OPCML: variants seen among roughly 807,000 people sequenced by gnomAD.
OPCML encodes the protein opioid-binding protein/cell adhesion molecule.
A neutral mutation model predicts 37.8 loss-of-function variants in OPCML; 13 were observed. The observed-to-expected ratio is 0.34, with a 90% CI of 0.22 to 0.55. OPCML has a LOEUF of 0.55. OPCML is among the 20% of genes least tolerant of loss of function. OPCML has a pLI of 0.91. For missense variants in OPCML, 341 were observed against 435.6 expected (o/e 0.78, Z 1.93); for synonymous variants, 176 against 168.8 (o/e 1.04, Z -0.33).
chr11:132,833,105 A>G (rs1258916172), intron 2 of OPCML, among the ~76,000 whole-genome samples: 21 of 151,886 alleles, frequency 1.4e-4, no homozygotes, highest in Admixed American at 1.4e-3. Context: ...TCTTTCTTCA[A>G]TAATAAACTA....
At chr11:132,732,506 C>G in intron 2 of OPCML, among the ~76,000 whole-genome samples, 1 of 152,062 alleles carries the variant, frequency 6.6e-6, no homozygotes, top group African/African-American at 2.4e-5. Flanking sequence ...AGAGAGTGGT[C>G]TTCACTGGAG....
At chr11:133,203,225 T>A (rs547763310) in intron 1 of OPCML, among the ~76,000 whole-genome samples, 2 of 152,318 alleles carry the variant, frequency 1.3e-5, no homozygotes, top group South Asian at 4.2e-4. Flanking sequence ...AGTTACTCAA[T>A]CTCTTTGGGA....
intron 3 of OPCML, among the ~76,000 whole-genome samples, chr11:132,619,972 T>C (rs1288555085): frequency 6.6e-6 from 1 of 152,180 alleles, no homozygotes; most frequent in Admixed American, 6.5e-5. Context: ...CTATTTAGCA[T>C]GTCACCTTAA....
chr11:133,466,436 G>A (rs899309865), intron 1 of OPCML, among the ~76,000 whole-genome samples: 8 of 152,190 alleles, frequency 5.3e-5, no homozygotes, highest in Non-Finnish European at 7.3e-5. Flanking sequence ...AACCGGAACC[G>A]TGACCTTAGC....
chr11:133,458,529 G>C (rs1158353970), intron 1 of OPCML, among the ~76,000 whole-genome samples: 1 of 104,790 alleles, frequency 9.5e-6, no homozygotes, highest in East Asian at 2.7e-4. Flanking sequence ...TACACTGTGT[G>C]TGTATACACA....
chr11:133,515,551 C>T (rs1406582618), intron 1 of OPCML, among the ~76,000 whole-genome samples: 3 of 152,152 alleles, frequency 2.0e-5, no homozygotes, highest in Non-Finnish European at 4.4e-5. Context: ...GAAGCTAATA[C>T]AAAACCATAA....
At chr11:132,818,791 G>C (rs1473408920) in intron 2 of OPCML, among the ~76,000 whole-genome samples, 3 of 149,372 alleles carry the variant, frequency 2.0e-5, no homozygotes, top group Non-Finnish European at 4.4e-5. Flanking sequence ...TATGGGGGAG[G>C]GGGGAGGCAT....
At chr11:132,996,131 CTTTAGCATAT>C (rs529595495) in intron 1 of OPCML, among the ~76,000 whole-genome samples, 3 of 152,254 alleles carry the variant, frequency 2.0e-5, no homozygotes, top group Admixed American at 2.0e-4. Flanking sequence ...TCTACACAGA[CTTTAGCATAT>C]TTTTCACCAA....
At chr11:133,517,010 C>A (rs1948293200) in intron 1 of OPCML, among the ~76,000 whole-genome samples, 1 of 152,172 alleles carries the variant, frequency 6.6e-6, no homozygotes, top group African/African-American at 2.4e-5. Flanking sequence ...GACACATCCC[C>A]ACGCGAAGTC....
chr11:133,201,264 G>A lies in OPCML; in HGVS notation c.62-258254C>T, dbSNP rs79898289. Among the ~76,000 whole-genome samples, 119 of 149,762 alleles carry A rather than the reference G, an allele frequency of 7.9e-4. 1 individual carries two copies. The East Asian group carries it at 0.021, about 27-fold the overall frequency. ...TTAGCCACGTAACAAACCTGCACAC[G>A]TACTCCTGGAAATTAAAAGTTGGAA... is the stretch of plus-strand genomic sequence containing the variant. On this transcript the variant is annotated intron_variant, in intron 1 of 7. Coordinates refer to ENST00000524381, the MANE Select transcript of OPCML (RefSeq NM_001012393.5).
intron 1 of OPCML, among the ~76,000 whole-genome samples, chr11:133,285,894 C>G (rs898256392): frequency 3.9e-5 from 6 of 152,158 alleles, no homozygotes; most frequent in Admixed American, 2.6e-4. Context: ...ATGGTCCTGC[C>G]TGGTAGGAGT....
At chr11:132,697,864 C>G (rs967926517) in intron 2 of OPCML, among the ~76,000 whole-genome samples, 1 of 152,056 alleles carries the variant, frequency 6.6e-6, no homozygotes, top group Non-Finnish European at 1.5e-5. Context: ...CTCCGGGGCT[C>G]AAGTAATCCT....
rs117712294 is a variant in OPCML, at chr11:132,774,155, T to C, written c.147-116836A>G. ...ACTGTACTCTATGTGTTAAGCTTCA[T>C]TGGGGTCCATTTTAAATGAGGCAGC... On this transcript the variant is annotated intron_variant, in intron 2 of 7. Transcript: ENST00000524381. Among the ~76,000 whole-genome samples, 373 of 152,298 alleles carry C rather than the reference T, an allele frequency of 2.4e-3. 5 individuals are homozygous for C. The East Asian group carries it at 0.06, about 25-fold the overall frequency.
At chr11:132,734,969 C>T (rs1181501695) in intron 2 of OPCML, among the ~76,000 whole-genome samples, 3 of 152,100 alleles carry the variant, frequency 2.0e-5, no homozygotes, top group Non-Finnish European at 2.9e-5. Flanking sequence ...GCAAAACTAT[C>T]GCCTGCAACA....
chr11:133,291,388 C>T (rs1461276115), intron 1 of OPCML, among the ~76,000 whole-genome samples: 1 of 152,206 alleles, frequency 6.6e-6, no homozygotes, highest in African/African-American at 2.4e-5. Context: ...GCGTCCACTG[C>T]ACCAGCATCC....
chr11:132,816,381 T>A (rs1939639085), intron 2 of OPCML, among the ~76,000 whole-genome samples: 1 of 152,244 alleles, frequency 6.6e-6, no homozygotes, highest in South Asian at 2.1e-4. Context: ...TAAGTGAATG[T>A]GACTGTGTAC....
chr11:132,841,311 A>T (rs368239868), intron 2 of OPCML, among the ~76,000 whole-genome samples: 5 of 152,134 alleles, frequency 3.3e-5, no homozygotes, highest in African/African-American at 1.2e-4. Flanking sequence ...CCCACTAATT[A>T]TTCCTTTCAC....
intron 2 of OPCML, among the ~76,000 whole-genome samples, chr11:132,782,205 G>A (rs1218383414): frequency 6.6e-6 from 1 of 151,714 alleles, no homozygotes; most frequent in Non-Finnish European, 1.5e-5. Context: ...GTGAGGAGAG[G>A]AAGCGAACGC....
At chr11:133,232,182 C>T (rs149668936) in intron 1 of OPCML, among the ~76,000 whole-genome samples, 1 of 152,046 alleles carries the variant, frequency 6.6e-6, no homozygotes, top group African/African-American at 2.4e-5. Flanking sequence ...CCAGTGGCTC[C>T]CCAGATGTCC....
Sources: gnomAD v4.1 joint callset for allele counts (sites outside exome capture counted in the v4.1 genomes callset) on GRCh38, gnomAD v4.1.1 for gene constraint, MANE v1.5 for transcripts, NCBI Gene and HGNC (gene_info 2026-07-23, HGNC 2026-07-21) for gene names.